Variants in NEMF observed in about 807,000 individuals in gnomAD.
NEMF encodes nuclear export mediator factor.
NEMF carries 89 observed loss-of-function variants against 162.2 expected under a neutral mutation model. The observed-to-expected ratio is 0.55, with a 90% CI of 0.46 to 0.65. The LOEUF is 0.65. NEMF is among the 30% of genes least tolerant of loss of function. The pLI, the probability that NEMF is intolerant of heterozygous loss-of-function variation, is 0.00. For missense variants in NEMF, 1,133 were observed against 1,261.9 expected, an observed-to-expected ratio of 0.90 and a Z score of 1.55; for synonymous variants, 421 against 404.5, an observed-to-expected ratio of 1.04 and a Z score of -0.49.
At chr14:49,823,633 A>G (rs1892198254) in intron 16 of NEMF, among the ~76,000 whole-genome samples, 1 of 152,178 alleles carries the variant, frequency 6.6e-6, no homozygotes, top group South Asian at 2.1e-4. Context: ...TCTTAAAAAC[A>G]AGATTTCCAG....
chr14:49,789,329 G>C lies in NEMF; in HGVS notation c.2712C>G (p.Asn904Lys), dbSNP rs2139826100. ...TCCCCTTCTTCCCTTTTTCTTCTTT[G>C]TTTGAACCTGCAGACTTTAATTCAT... ...IMKLLGSAGSNKEEKGKKGKK... is the reference protein window; with the variant it reads ...IMKLLGSAGSKKEEKGKKGKK... The change falls in exon 28 of 33, where the codon AAC becomes AAG. Residue 904 changes from asparagine to lysine, a missense_variant. Asn to Lys is a moderately conservative substitution (Grantham distance 94). Coordinates refer to ENST00000298310, the MANE Select transcript of NEMF (RefSeq NM_004713.6). 6.2e-7 allele frequency: 1 copy of C among 1,613,762 alleles called. No individual in the cohort carries two copies. Among genetic ancestry groups the C allele is most frequent in the African/African-American group, 1.3e-5 (1 of 74,922 alleles).
chr14:49,791,636 C>G (rs2139832327), intron 26 of NEMF, among the ~76,000 whole-genome samples: 1 of 151,896 alleles, frequency 6.6e-6, no homozygotes, highest in South Asian at 2.1e-4. Flanking sequence ...ACTCAGAAGG[C>G]TGAGGCAGGA....
Position 49,784,692 on chromosome 14 carries a change from T to A in NEMF, c.3175A>T (p.Ile1059Phe), listed in dbSNP as rs1212099232. The change falls in exon 33 of 33, where the codon ATT becomes TTT. Residue 1059 changes from isoleucine (I) to phenylalanine (F), a missense_variant. Physicochemically the swap from Ile to Phe is conservative, Grantham distance 21 (BLOSUM62 0). Coordinates refer to ENST00000298310, the MANE Select transcript of NEMF (RefSeq NM_004713.6). ...GCAGACACTTTCACTTTGCCAGGAA[T>A]GTTTCTTGATAAATCTGTGTCCTAA... ...SVKDTDLSRNIPGKVKVSAPN... is the reference protein window; with the variant it reads ...SVKDTDLSRNFPGKVKVSAPN... The A allele has an allele frequency of 6.2e-7, 1 of 1,613,016 alleles. No individual in the cohort carries two copies. Among genetic ancestry groups the A allele is most frequent in the Non-Finnish European group, 8.5e-7 (1 of 1,179,184 alleles).
At chr14:49,848,661 C>T (rs4900961) in intron 3 of NEMF, among the ~76,000 whole-genome samples, 19,292 of 151,572 alleles carry the variant, frequency 0.13, 1,454 homozygotes, top group Admixed American at 0.22. Flanking sequence ...ATGGTGAAAC[C>T]CCATCTCTAC....
At chr14:49,816,194 G>A (rs556425000) in intron 16 of NEMF, among the ~76,000 whole-genome samples, 1 of 152,238 alleles carries the variant, frequency 6.6e-6, no homozygotes, top group African/African-American at 2.4e-5. Context: ...CTGTGGCAGA[G>A]GAATATAAAT....
At chr14:49,794,945 T>C (rs924111679) in intron 26 of NEMF, among the ~76,000 whole-genome samples, 3 of 151,992 alleles carry the variant, frequency 2.0e-5, no homozygotes, top group Admixed American at 1.3e-4. Context: ...CTTGAACTCC[T>C]GGCCTCAAGT....
intron 11 of NEMF, 65 bp downstream of exon 11, chr14:49,831,234 A>G (rs1449120605): frequency 3.5e-6 from 3 of 857,842 alleles, no homozygotes; most frequent in Admixed American, 4.1e-5. Context: ...ACCCTTTCCT[A>G]TATCATCTAC....
chr14:49,804,072 T>C (rs2139867435), intron 19 of NEMF, among the ~76,000 whole-genome samples: 1 of 151,636 alleles, frequency 6.6e-6, no homozygotes, highest in South Asian at 2.1e-4. Context: ...TGGCTTGATC[T>C]TGGCTCACTG....
intron 18 of NEMF, among the ~76,000 whole-genome samples, chr14:49,810,241 G>A (rs759522936): frequency 2.6e-5 from 4 of 151,386 alleles, no homozygotes; most frequent in East Asian, 3.9e-4. Flanking sequence ...GGTGGAGGGC[G>A]CCTGTAGTCC....
chr14:49,822,245 T>C (rs1892104476), intron 16 of NEMF, among the ~76,000 whole-genome samples: 1 of 149,248 alleles, frequency 6.7e-6, no homozygotes. Context: ...CCTATGACCC[T>C]GCCAAATCCC....
intron 26 of NEMF, 119 bp from the exon 27 acceptor site, chr14:49,789,692 C>T (rs1890351476): frequency 4.4e-6 from 6 of 1,352,358 alleles, no homozygotes; most frequent in Admixed American, 5.7e-5. Flanking sequence ...GAATAAGGCA[C>T]CATTATAATA....
intron 4 of NEMF, chr14:49,844,806 T>C: frequency 2.3e-6 from 1 of 429,110 alleles, no homozygotes. Flanking sequence ...TCTCACTCTG[T>C]CACCTGAGCT....
intron 4 of NEMF, chr14:49,845,832 T>C (rs552142742): frequency 4.7e-6 from 2 of 427,290 alleles, no homozygotes; most frequent in African/African-American, 2.0e-5. Context: ...TGCATGACCG[T>C]ATTTGACTAT....
At chr14:49,793,198 C>A (rs112314246) in intron 26 of NEMF, among the ~76,000 whole-genome samples, 195 of 151,784 alleles carry the variant, frequency 1.3e-3, no homozygotes, top group African/African-American at 4.5e-3. Context: ...TTTTCAGTCA[C>A]TGCAAAAAAA....
rs746483862 is a variant in NEMF, at chr14:49,803,306, A to C, written c.1858-12T>G. 8.9e-6 allele frequency: 14 copies of C among 1,564,296 alleles called. No individual in the cohort carries two copies. Among genetic ancestry groups the C allele is most frequent in the Non-Finnish European group, 1.1e-5 (13 of 1,137,766 alleles). On this transcript the variant is annotated splice_polypyrimidine_tract_variant and intron_variant, in intron 19 of 32. Transcript: ENST00000298310. ...GCTGTTTTAGATACCTGAAGAACAC[A>C]ATAATACATTATATTCTTATTTAAA... is the stretch of plus-strand genomic sequence containing the variant.
intron 18 of NEMF, among the ~76,000 whole-genome samples, chr14:49,811,106 A>G (rs915175304): frequency 1.3e-5 from 2 of 152,242 alleles, no homozygotes; most frequent in Non-Finnish European, 2.9e-5. Context: ...TGGGATGTCC[A>G]ATTTAGGTCT....
rs1317841395 is a variant in NEMF, at chr14:49,842,148, AAAAAACCCC to A, written c.358-1291_358-1283del. On this transcript the variant is annotated intron_variant, in intron 4 of 32. Coordinates refer to ENST00000298310, the MANE Select transcript of NEMF (RefSeq NM_004713.6). ...ACTGAAATTTATCTACAATAGAAAA[AAAAAACCCC>A]AAACAGCCTAAATGTAAAAGTTAGG... Among the ~76,000 whole-genome samples the A allele has an allele frequency of 2.0e-5, 3 of 151,754 alleles. No homozygotes were observed. In the East Asian group the frequency reaches 5.8e-4, roughly 29 times the overall value.
intron 8 of NEMF, among the ~76,000 whole-genome samples, chr14:49,832,749 TC>T (rs1180616700): frequency 2.0e-5 from 3 of 152,190 alleles, no homozygotes; most frequent in South Asian, 2.1e-4. Flanking sequence ...AGAAAAACAC[TC>T]ATAAGCTACT....
At position 49,800,594 on chromosome 14, in the gene NEMF, C is replaced by G; in HGVS notation, c.2198G>C (p.Ser733Thr). The change falls in exon 23 of 33, where the codon AGT becomes ACT. Residue 733 changes from serine to threonine, a missense_variant. By Grantham distance (58) the Ser-to-Thr change is moderately conservative. Transcript: ENST00000298310. ...CTCCTCATTTAGTTCATCTCTGCCACTCTGAAGAGTGATATCCTCTTGGTC... is the reference window on the plus strand; with the variant it reads ...CTCCTCATTTAGTTCATCTCTGCCAGTCTGAAGAGTGATATCCTCTTGGTC... ...QVDQEDITLQ[S>T]GRDELNEELI... 5 of 1,614,010 alleles carry G rather than the reference C, an allele frequency of 3.1e-6. No homozygotes were observed. Among genetic ancestry groups the G allele is most frequent in the Non-Finnish European group, 4.2e-6 (5 of 1,179,952 alleles).
Sources: gnomAD v4.1 joint callset for allele counts (sites outside exome capture counted in the v4.1 genomes callset) on GRCh38, gnomAD v4.1.1 for gene constraint, MANE v1.5 for transcripts, NCBI Gene and HGNC (gene_info 2026-07-23, HGNC 2026-07-21) for gene names.